The following CREBBP variants were observed in gnomAD, a reference collection of about 807,000 sequenced individuals.
CREBBP encodes the protein CREB-binding protein.
CREBBP carries 19 observed loss-of-function variants against 265.0 expected under a neutral mutation model. That is an observed-to-expected ratio of 0.07 (90% confidence interval 0.05 to 0.11). The LOEUF (loss-of-function observed/expected upper bound fraction) is 0.11. CREBBP is among the 10% of genes least tolerant of loss of function. CREBBP has a pLI of 1.00. For missense variants in CREBBP, 2,525 were observed against 3,219.0 expected (o/e 0.78, Z 5.22); for synonymous variants, 1,457 against 1,223.7 (o/e 1.19, Z -3.98).
At chr16:3,797,114 T>C (rs1225571017) in intron 3 of CREBBP, among the ~76,000 whole-genome samples, 5 of 152,160 alleles carry the variant, frequency 3.3e-5, no homozygotes, top group Admixed American at 3.3e-4. Flanking sequence ...CCCTGCCCAG[T>C]TCCCACTGGC....
intron 16 of CREBBP, among the ~76,000 whole-genome samples, chr16:3,766,998 T>C (rs1389452516): frequency 6.6e-6 from 1 of 152,224 alleles, no homozygotes; most frequent in East Asian, 1.9e-4. Context: ...AACATTTCTC[T>C]GCAATCTTTC....
At chr16:3,810,552 A>G (rs1323638851) in intron 3 of CREBBP, 51 bp downstream of exon 3, 1 of 1,599,644 alleles carries the variant, frequency 6.3e-7, no homozygotes, top group South Asian at 1.1e-5. Context: ...AAATCCACAG[A>G]CCACAGCACC....
chr16:3,745,814 C>A (rs917417201), intron 21 of CREBBP, among the ~76,000 whole-genome samples: 3 of 152,196 alleles, frequency 2.0e-5, no homozygotes, highest in Admixed American at 6.5e-5. Context: ...ATGGGAAACA[C>A]GGCCAGTTCA....
chr16:3,793,945 A>T (rs1237917520), intron 3 of CREBBP, among the ~76,000 whole-genome samples: 1 of 152,206 alleles, frequency 6.6e-6, no homozygotes. Context: ...TGTGTACTAT[A>T]CCAGCTGGAC....
intron 2 of CREBBP, among the ~76,000 whole-genome samples, chr16:3,819,704 T>C (rs2054106046): frequency 6.6e-6 from 1 of 152,228 alleles, no homozygotes; most frequent in African/African-American, 2.4e-5. Flanking sequence ...CAGTTTTCAT[T>C]CTACATTGTT....
intron 15 of CREBBP, among the ~76,000 whole-genome samples, chr16:3,768,451 T>A (rs1345429436): frequency 6.6e-6 from 1 of 152,142 alleles, no homozygotes; most frequent in Non-Finnish European, 1.5e-5. Flanking sequence ...CCAGCCTAAT[T>A]TAAAAGTTTT....
chr16:3,784,006 G>C (rs2053332720), intron 5 of CREBBP, among the ~76,000 whole-genome samples: 1 of 152,204 alleles, frequency 6.6e-6, no homozygotes, highest in Non-Finnish European at 1.5e-5. Context: ...TCATATGGCA[G>C]AAGTTCTATA....
intron 21 of CREBBP, among the ~76,000 whole-genome samples, chr16:3,749,017 GGCGCCTGTAGTCCCA>G (rs2052413589): frequency 6.6e-6 from 1 of 152,086 alleles, no homozygotes; most frequent in Non-Finnish European, 1.5e-5. Flanking sequence ...CGTGGTGGTG[GGCGCCTGTAGTCCCA>G]GCTACTCGGG....
intron 5 of CREBBP, among the ~76,000 whole-genome samples, chr16:3,786,289 C>A (rs1007122359): frequency 1.3e-5 from 2 of 152,084 alleles, no homozygotes; most frequent in Admixed American, 6.5e-5. Context: ...CCGCTTGAAC[C>A]TAGGAGGTAG....
At chr16:3,857,407 T>C (rs547320146) in intron 1 of CREBBP, among the ~76,000 whole-genome samples, 23 of 152,340 alleles carry the variant, frequency 1.5e-4, no homozygotes, top group African/African-American at 4.8e-4. Context: ...GGCGCACACG[T>C]AGTCGTACCA....
intron 2 of CREBBP, among the ~76,000 whole-genome samples, chr16:3,844,956 TTATATG>T (rs1481657299): frequency 2.6e-5 from 4 of 152,078 alleles, no homozygotes; most frequent in Admixed American, 6.6e-5. Context: ...AAAAGATAAT[TTATATG>T]TATAAGAAGA....
At chr16:3,834,585 A>C (rs1386861904) in intron 2 of CREBBP, among the ~76,000 whole-genome samples, 1 of 152,200 alleles carries the variant, frequency 6.6e-6, no homozygotes, top group Non-Finnish European at 1.5e-5. Flanking sequence ...AATACTCTGC[A>C]TGACACTACA....
chr16:3,805,991 GAC>G (rs2053821204), intron 3 of CREBBP, among the ~76,000 whole-genome samples: 1 of 152,228 alleles, frequency 6.6e-6, no homozygotes, highest in Non-Finnish European at 1.5e-5. Flanking sequence ...GTGACTACAA[GAC>G]ACAGATTCTG....
chr16:3,744,709 AC>A (rs2052298844), intron 23 of CREBBP, among the ~76,000 whole-genome samples, 184 bp downstream of exon 23: 1 of 152,172 alleles, frequency 6.6e-6, no homozygotes, highest in Non-Finnish European at 1.5e-5. Context: ...TACCCTCATG[AC>A]TGGCCTGGCT....
At chr16:3,730,343 T>C (rs928450868) in intron 30 of CREBBP, among the ~76,000 whole-genome samples, 1 of 152,142 alleles carries the variant, frequency 6.6e-6, no homozygotes, top group Non-Finnish European at 1.5e-5. Context: ...AGTGAAAGGC[T>C]GAGGGAGGCC....
intron 1 of CREBBP, among the ~76,000 whole-genome samples, chr16:3,851,325 A>G (rs2054832239): frequency 1.3e-5 from 2 of 149,536 alleles, no homozygotes; most frequent in African/African-American, 5.0e-5. Flanking sequence ...AAAAAAAAAA[A>G]GAGTAATGTC....
intron 2 of CREBBP, among the ~76,000 whole-genome samples, chr16:3,849,433 G>GTGTGTGATGTGCGTGACCT (rs2054754957): frequency 7.0e-5 from 1 of 14,316 alleles, no homozygotes; most frequent in African/African-American, 1.3e-4. Flanking sequence ...GTGTGTGTGT[G>GTGTGTGATGTGCGTGACCT]TGTGTGTGTG....
At chr16:3,877,941 T>C (rs1212697247) in intron 1 of CREBBP, among the ~76,000 whole-genome samples, 2 of 152,216 alleles carry the variant, frequency 1.3e-5, no homozygotes, top group Non-Finnish European at 2.9e-5. Flanking sequence ...GGTGGTTAAG[T>C]GTGGAAAATC....
At chr16:3,869,278 G>A (rs1462721186) in intron 1 of CREBBP, among the ~76,000 whole-genome samples, 1 of 152,204 alleles carries the variant, frequency 6.6e-6, no homozygotes, top group Non-Finnish European at 1.5e-5. Context: ...CACCACCCAT[G>A]AGGGCAGAGA....
Sources: allele counts gnomAD v4.1 joint callset (sites outside exome capture counted in the v4.1 genomes callset), GRCh38; gene constraint gnomAD v4.1.1; transcripts MANE v1.5; gene names NCBI Gene and HGNC (gene_info 2026-07-23, HGNC 2026-07-21).